The following MTMR8 variants were observed in gnomAD, a reference collection of about 807,000 sequenced individuals.
MTMR8 encodes the protein phosphatidylinositol-3,5-bisphosphate 3-phosphatase MTMR8.
MTMR8 carries 65 observed loss-of-function variants against 39.3 expected under a neutral mutation model. The observed-to-expected ratio is 1.65, with a 90% CI of 1.35 to 2.03. The LOEUF is 2.03. Ranked by LOEUF, MTMR8 falls within the 30% of genes most tolerant of loss-of-function variation. The probability of loss-of-function intolerance (pLI) is 0.00; values close to 1 mark genes in which losing one functional copy is unlikely to be tolerated. For synonymous variants in MTMR8, 245 were observed against 185.2 expected (o/e 1.32, Z -2.62); for missense variants, 777 against 538.9 (o/e 1.44, Z -4.37).
Position 64,331,635 on chromosome X carries a change from A to T in MTMR8, c.1274T>A (p.Leu425Gln). The change falls in exon 11 of 14, where the codon CTG becomes CAG. Residue 425 changes from leucine to glutamine, a missense_variant. Physicochemically the swap from Leu to Gln is moderately radical, Grantham distance 113 (BLOSUM62 -2). Transcript: ENST00000374852. ...GGAGAAAACATGGTCATGAATCTCC[A>T]GCAGGAAGTTTTCATTAAACTCAAA... ...CAFEFNENFL[L>Q]EIHDHVFSCQ... The T allele has an allele frequency of 2.5e-6, 3 of 1,210,803 alleles. No homozygotes were observed. The South Asian group carries it at 5.3e-5, about 21-fold the overall frequency.
chrX:64,355,470 T>C (rs1053500011), intron 3 of MTMR8, among the ~76,000 whole-genome samples: 13 of 111,821 alleles, frequency 1.2e-4, no homozygotes, highest in Non-Finnish European at 3.8e-5. Flanking sequence ...CCAATTTATA[T>C]GGCAACAACT....
chrX:64,374,594 A>T (rs1025561025), intron 1 of MTMR8, among the ~76,000 whole-genome samples: 1 of 111,832 alleles, frequency 8.9e-6, no homozygotes. Flanking sequence ...CTCAGCCAAG[A>T]GTGGAATAAA....
chrX:64,345,036 TC>T lies in MTMR8; in HGVS notation c.865+8del, dbSNP rs761111304. The T allele has an allele frequency of 8.3e-7, 1 of 1,208,624 alleles. No individual in the cohort carries two copies. The highest frequency in any genetic ancestry group is 1.1e-6 in the Non-Finnish European group (1 of 893,954). On this transcript the variant is annotated splice_region_variant and intron_variant, in intron 7 of 13. Transcript: ENST00000374852. ...GGCCGCTTGCCTAGCCAAGGTGAAA[TC>T]CCTGTACCTTCCAAGAGTTTCTGCA...
At chrX:64,378,738 C>T (rs909738479) in intron 1 of MTMR8, among the ~76,000 whole-genome samples, 2 of 111,547 alleles carry the variant, frequency 1.8e-5, no homozygotes, top group South Asian at 7.5e-4. Context: ...CCTTAGAAAA[C>T]TAAAAAATAC....
At chrX:64,339,510 A>G (rs1440974657) in intron 8 of MTMR8, among the ~76,000 whole-genome samples, 2 of 111,649 alleles carry the variant, frequency 1.8e-5, no homozygotes, top group African/African-American at 6.5e-5. Flanking sequence ...GTGAAGGGAG[A>G]TGAAGTACTA....
chrX:64,323,008 G>T (rs1403982149), intron 12 of MTMR8, among the ~76,000 whole-genome samples: 1 of 112,691 alleles, frequency 8.9e-6, no homozygotes, highest in South Asian at 3.6e-4. Context: ...AACCCTGTGC[G>T]CTCACTAGCC....
intron 12 of MTMR8, among the ~76,000 whole-genome samples, chrX:64,285,648 A>C (rs1330825138): frequency 8.9e-6 from 1 of 112,116 alleles, no homozygotes; most frequent in Non-Finnish European, 1.9e-5. Flanking sequence ...GTCCAATCAA[A>C]CTAGAACTCA....
In MTMR8 at chrX:64,354,042, A is replaced by G. The variant is rs187673459; in HGVS notation, c.468+735T>C. On this transcript the variant is annotated intron_variant, in intron 4 of 13. Transcript: ENST00000374852. ...GGATGGAACTGGGGGACATTATATT[A>G]AGTGAAATGAACAAAGCATAGAAAG... 7.2e-5 allele frequency among the ~76,000 whole-genome samples: 8 copies of G among 110,441 alleles called. No homozygotes were observed. The East Asian group carries it at 2.3e-3, about 32-fold the overall frequency.
intron 12 of MTMR8, among the ~76,000 whole-genome samples, chrX:64,320,583 C>A (rs925244783): frequency 4.6e-5 from 5 of 109,283 alleles, no homozygotes; most frequent in African/African-American, 6.7e-5. Flanking sequence ...GTACTAGCCA[C>A]AGCCAACTGA....
intron 12 of MTMR8, among the ~76,000 whole-genome samples, chrX:64,281,986 T>A (rs1167482281): frequency 9.1e-6 from 1 of 110,178 alleles, no homozygotes; most frequent in African/African-American, 3.3e-5. Flanking sequence ...TCAACTTCAC[T>A]GATCATTAGA....
At chrX:64,384,408 G>T (rs1002413102) in intron 1 of MTMR8, among the ~76,000 whole-genome samples, 2 of 111,629 alleles carry the variant, frequency 1.8e-5, no homozygotes, top group Admixed American at 9.5e-5. Context: ...CCCTGGTGGA[G>T]ACTCTGTGTG....
intron 12 of MTMR8, among the ~76,000 whole-genome samples, chrX:64,326,975 C>T (rs1484874603): frequency 1.8e-5 from 2 of 110,313 alleles, no homozygotes; most frequent in Non-Finnish European, 1.9e-5. Flanking sequence ...AAAATGGATG[C>T]CCATATGCAG....
chrX:64,339,375 C>A (rs1227426485), intron 8 of MTMR8, among the ~76,000 whole-genome samples: 3 of 111,098 alleles, frequency 2.7e-5, no homozygotes, highest in Non-Finnish European at 5.7e-5. Flanking sequence ...GTGCCAAACA[C>A]AACAGAGAGG....
intron 10 of MTMR8, among the ~76,000 whole-genome samples, chrX:64,335,233 G>C (rs1250887253): frequency 9.0e-6 from 1 of 110,511 alleles, no homozygotes; most frequent in Non-Finnish European, 1.9e-5. Flanking sequence ...CCGGGTTCAA[G>C]TGATTCTCCT....
intron 1 of MTMR8, among the ~76,000 whole-genome samples, chrX:64,370,624 T>C (rs774555005): frequency 8.0e-5 from 9 of 112,108 alleles, no homozygotes; most frequent in African/African-American, 2.9e-4. Flanking sequence ...CTTTCTCTTA[T>C]ATAGTCATGC....
At chrX:64,343,493 G>T in intron 8 of MTMR8, 118 bp downstream of exon 8, 3 of 452,820 alleles carry the variant, frequency 6.6e-6, no homozygotes, top group South Asian at 8.4e-5. Flanking sequence ...TGAATTAGTG[G>T]CAGAGCTGAA....
intron 1 of MTMR8, among the ~76,000 whole-genome samples, chrX:64,360,678 G>T (rs1375278256): frequency 9.0e-6 from 1 of 111,235 alleles, no homozygotes; most frequent in Non-Finnish European, 1.9e-5. Context: ...AAACACAATA[G>T]CTTATTACTA....
intron 8 of MTMR8, among the ~76,000 whole-genome samples, chrX:64,340,225 G>C (rs1421179997): frequency 1.8e-5 from 2 of 111,771 alleles, no homozygotes; most frequent in African/African-American, 6.5e-5. Flanking sequence ...TAAAAGTACA[G>C]AGGTTTCCAT....
At chrX:64,363,910 A>G (rs1440319683) in intron 1 of MTMR8, among the ~76,000 whole-genome samples, 2 of 111,029 alleles carry the variant, frequency 1.8e-5, no homozygotes, top group Non-Finnish European at 3.8e-5. Flanking sequence ...CCAACAGTAT[A>G]AGCAAATGGC....
Sources: gnomAD v4.1 joint callset for allele counts (sites outside exome capture counted in the v4.1 genomes callset) on GRCh38, gnomAD v4.1.1 for gene constraint, MANE v1.5 for transcripts, NCBI Gene and HGNC (gene_info 2026-07-23, HGNC 2026-07-21) for gene names.